Variants in NSD1 observed in about 807,000 individuals in gnomAD.
NSD1 encodes nuclear receptor binding SET domain protein 1, also known as histone-lysine N-methyltransferase, H3 lysine-36 specific.
In NSD1, 26 loss-of-function variants were observed where a neutral mutation model predicts 242.7. The observed-to-expected ratio is 0.11, with a 90% CI of 0.08 to 0.15. The LOEUF (loss-of-function observed/expected upper bound fraction) is 0.15, where lower values mean the gene tolerates loss of function less well. Among genes scored for constraint, NSD1 ranks in the 10% least tolerant of loss-of-function variants. The pLI is 1.00. For missense variants in NSD1, 2,495 were observed against 3,272.8 expected (o/e 0.76, Z 5.80); for synonymous variants, 1,106 against 1,178.1 (o/e 0.94, Z 1.25).
intron 20 of NSD1, chr5:177,288,537 C>A (rs1759521896): frequency 2.8e-6 from 1 of 360,124 alleles, no homozygotes; most frequent in South Asian, 2.8e-5. Flanking sequence ...TATTTTGAAT[C>A]TGAATGGTTA....
At chr5:177,228,615 A>G (rs1052749022) in intron 5 of NSD1, among the ~76,000 whole-genome samples, 6 of 152,052 alleles carry the variant, frequency 3.9e-5, no homozygotes, top group Admixed American at 6.6e-5. Context: ...CTCCAGAACT[A>G]GGAAAGTCGA....
intron 14 of NSD1, chr5:177,266,102 G>C: frequency 1.8e-6 from 2 of 1,126,700 alleles, no homozygotes; most frequent in Non-Finnish European, 2.7e-6. Flanking sequence ...CACATACAGT[G>C]TGGCCCGTTC....
intron 4 of NSD1, 52 bp downstream of exon 4, chr5:177,204,344 G>T: frequency 6.6e-7 from 1 of 1,506,602 alleles, no homozygotes. Context: ...GTAAGAAAAA[G>T]AAAGAAAATG....
chr5:177,221,265 C>T (rs536788898), intron 5 of NSD1, among the ~76,000 whole-genome samples: 7 of 151,070 alleles, frequency 4.6e-5, no homozygotes, highest in South Asian at 2.1e-4. Context: ...GCTGTTTTGT[C>T]CCCCTTTTGC....
chr5:177,298,779 A>G lies in NSD1; in HGVS notation c.*3320A>G, dbSNP rs896976131. 1 of 233,198 alleles carries G rather than the reference A, an allele frequency of 4.3e-6. No homozygotes were observed. Among genetic ancestry groups the G allele is most frequent in the East Asian group, 6.0e-5 (1 of 16,608 alleles). The allele number at this position is 233,198 out of a possible 1,614,324, so 14.4% of individuals were successfully genotyped here. A position where few individuals can be genotyped will look rare whatever the true frequency, so the allele number is the denominator to read the frequency against. On this transcript the variant is annotated 3_prime_UTR_variant, in exon 23 of 23. Coordinates refer to ENST00000439151, the MANE Select transcript of NSD1 (RefSeq NM_022455.5). ...TTGCCTCATGAGAACAGAATGGCAGAAAGTTTAGTCCTGACAGATTCCCCC... is the reference window on the plus strand; with the variant it reads ...TTGCCTCATGAGAACAGAATGGCAGGAAGTTTAGTCCTGACAGATTCCCCC...
rs1229044087 is a variant in NSD1 at position 177,181,445 on chromosome 5, TG to T, written c.928-10437del. Among the ~76,000 whole-genome samples the T allele has an allele frequency of 3.4e-5, 5 of 147,502 alleles. No individual in the cohort carries two copies. The East Asian group carries it at 6.0e-4, about 18-fold the overall frequency. On this transcript the variant is annotated intron_variant, in intron 2 of 22. Transcript: ENST00000439151. Reference sequence around the variant, plus strand: ...TTTTTTGGTTTTTTTTTTTTTTTTTTGGCAGGTTCTCACCTTGTCACCCAGG... The same window carrying T: ...TTTTTTGGTTTTTTTTTTTTTTTTTTGCAGGTTCTCACCTTGTCACCCAGG...
Position 177,211,167 on chromosome 5 carries a change from A to G in NSD1, c.2768A>G (p.Lys923Arg), listed in dbSNP as rs778576635. The change falls in exon 5 of 23, where the codon AAG becomes AGG. Residue 923 changes from lysine (K) to arginine (R), a missense_variant. Physicochemically the swap from Lys to Arg is conservative, Grantham distance 26. Transcript: ENST00000439151. Reference protein sequence around the residue: ...MLKDMHDSKTKEQRLMTAQNL... With the variant: ...MLKDMHDSKTREQRLMTAQNL... ...AAAGATATGCATGATAGTAAGACGA[A>G]GGAGCAGCGGTTGATGACTGCTCAA... 2 of 1,614,198 alleles carry G rather than the reference A, an allele frequency of 1.2e-6. No homozygotes were observed. Among genetic ancestry groups the G allele is most frequent in the Admixed American group, 3.3e-5 (2 of 60,014 alleles).
At chr5:177,267,132 A>G (rs1347859839) in intron 14 of NSD1, among the ~76,000 whole-genome samples, 2 of 152,184 alleles carry the variant, frequency 1.3e-5, no homozygotes, top group African/African-American at 4.8e-5. Flanking sequence ...TGCTGGGATT[A>G]CAGGCCTGAG....
At chr5:177,132,299 A>G (rs1209435365), upstream of NSD1, among the ~76,000 whole-genome samples, 8 of 151,494 alleles carry the variant, frequency 5.3e-5, no homozygotes, top group Non-Finnish European at 1.5e-5. This position sits in a 1 kb window ranked among gnomAD's most constrained non-coding sequence, Gnocchi z 7.5. Flanking sequence ...CGGTGGCACG[A>G]GAGGGCCATC....
intron 5 of NSD1, among the ~76,000 whole-genome samples, chr5:177,224,977 C>G (rs1764524158): frequency 6.6e-6 from 1 of 151,724 alleles, no homozygotes; most frequent in Non-Finnish European, 1.5e-5. Flanking sequence ...TAATTTGAAC[C>G]AACTTTGAAG....
In NSD1 at chr5:177,269,642, T is replaced by A; in HGVS notation, c.5344T>A (p.Ser1782Thr). Residue 1782 changes from serine to threonine, a missense_variant, in exon 16 of 23, where the codon TCC becomes ACC. Physicochemically the swap from Ser to Thr is moderately conservative, Grantham distance 58 (BLOSUM62 1). Around this residue, in one of 19 missense-constraint regions of NSD1, gnomAD observed 25 missense variants for 49.7 expected, o/e 0.50. Transcript: ENST00000439151. This position sits in a 1 kb window ranked among gnomAD's most constrained non-coding sequence, Gnocchi z 5.1. Reference sequence around the variant, plus strand: ...GATCTGCCATCCTCGAGCTGTTCCTTCCAACATTGATAAGATGAGACATGA... The same window carrying A: ...GATCTGCCATCCTCGAGCTGTTCCTACCAACATTGATAAGATGAGACATGA... ...AEICHPRAVP[S>T]NIDKMRHDVG... The A allele has an allele frequency of 1.2e-6, 2 of 1,614,148 alleles. No individual in the cohort carries two copies. The highest frequency in any genetic ancestry group is 1.7e-6 in the Non-Finnish European group (2 of 1,180,018).
At chr5:177,213,561 G>A (rs1258854883) in intron 5 of NSD1, among the ~76,000 whole-genome samples, 5 of 151,886 alleles carry the variant, frequency 3.3e-5, no homozygotes, top group South Asian at 2.1e-4. Context: ...TCCGCCTCCC[G>A]GGTTCACGCC....
intron 5 of NSD1, among the ~76,000 whole-genome samples, chr5:177,214,294 G>T (rs1763595310): frequency 6.6e-6 from 1 of 152,172 alleles, no homozygotes; most frequent in Admixed American, 6.5e-5. Flanking sequence ...GTTGCAGTGA[G>T]CTGAGATTGC....
In NSD1 at chr5:177,257,315, C is replaced by T. The variant is rs554715778; in HGVS notation, c.4966+164C>T. ...GCGTGATCTTGGCCCACTGCAAGCT[C>T]CGCCTCCTGGGTTCACGCCATTCTC... On this transcript the variant is annotated intron_variant, in intron 13 of 22. Coordinates refer to ENST00000439151, the MANE Select transcript of NSD1 (RefSeq NM_022455.5). Among the ~76,000 whole-genome samples, 6 of 149,804 alleles carry T rather than the reference C, an allele frequency of 4.0e-5. No individual in the cohort carries two copies. The South Asian group carries it at 1.3e-3, about 32-fold the overall frequency.
chr5:177,260,201 TA>T lies in NSD1; in HGVS notation c.5146+38del, dbSNP rs1756874971. On this transcript the variant is annotated intron_variant, in intron 14 of 22. Transcript: ENST00000439151. Reference sequence around the variant, plus strand: ...ATCATTTCTTCCTCTATTTGTAGTCTAAAAAGGGATTAAATCAATGTTTTAA... The same window carrying T: ...ATCATTTCTTCCTCTATTTGTAGTCTAAAAGGGATTAAATCAATGTTTTAA... The T allele has an allele frequency of 1.9e-6, 3 of 1,591,708 alleles. No individual in the cohort carries two copies. The African/African-American group carries it at 4.0e-5, about 21-fold the overall frequency.
intron 2 of NSD1, among the ~76,000 whole-genome samples, chr5:177,164,315 C>A (rs538236852): frequency 6.6e-6 from 1 of 151,880 alleles, no homozygotes; most frequent in Admixed American, 6.6e-5. Context: ...TGCCACCATG[C>A]CTGGCTAATT....
intron 17 of NSD1, among the ~76,000 whole-genome samples, chr5:177,277,887 C>T (rs1022124583): frequency 6.6e-6 from 1 of 152,158 alleles, no homozygotes; most frequent in African/African-American, 2.4e-5. Context: ...AAAGAAGTAG[C>T]ATGAACCTTT....
intron 2 of NSD1, among the ~76,000 whole-genome samples, chr5:177,185,406 T>TG (rs899313913): frequency 6.6e-6 from 1 of 151,782 alleles, no homozygotes; most frequent in Non-Finnish European, 1.5e-5. Flanking sequence ...GAGACCAGCC[T>TG]GGCCAACATG....
At position 177,251,848 on chromosome 5, in the gene NSD1, G is replaced by A. The variant is rs1316313643; in HGVS notation, c.4760G>A (p.Arg1587His). ...GGAAAATTTATCTGCAATGAATGTC[G>A]CACAGGTAAAGTAGATATCGAACGG... The part of the protein sequence containing the change: ...PRGKFICNEC[R>H]TGIHTCFVCK... Residue 1587 changes from arginine (R) to histidine (H), a missense_variant, in exon 12 of 23, where the codon CGC becomes CAC. Physicochemically the swap from Arg to His is conservative, Grantham distance 29. Coordinates refer to ENST00000439151, the MANE Select transcript of NSD1 (RefSeq NM_022455.5). The A allele has an allele frequency of 1.7e-5, 28 of 1,614,108 alleles. No homozygotes were observed. The highest frequency in any genetic ancestry group is 1.3e-4 in the East Asian group (6 of 44,878).
Sources: allele counts gnomAD v4.1 joint callset (sites outside exome capture counted in the v4.1 genomes callset), GRCh38; gene constraint gnomAD v4.1.1; regional missense constraint gnomAD v4.1.1; non-coding constraint Gnocchi (gnomAD v3.1); transcripts MANE v1.5; gene names NCBI Gene and HGNC (gene_info 2026-07-23, HGNC 2026-07-21).